Variants in MCTP1 observed in about 807,000 individuals in gnomAD.
MCTP1 encodes multiple C2 and transmembrane domain containing 1, also known as multiple C2 and transmembrane domain-containing protein 1.
A neutral mutation model predicts 120.6 loss-of-function variants in MCTP1; 69 were observed. The observed-to-expected ratio is 0.57, with a 90% CI of 0.47 to 0.70. MCTP1 has a LOEUF of 0.70. MCTP1 is among the 30% of genes least tolerant of loss of function. The pLI, the probability that MCTP1 is intolerant of heterozygous loss-of-function variation, is 0.00. For missense variants in MCTP1, 1,203 were observed against 1,248.8 expected, an observed-to-expected ratio of 0.96 and a Z score of 0.55; for synonymous variants, 529 against 493.1, an observed-to-expected ratio of 1.07 and a Z score of -0.96.
intron 19 of MCTP1, among the ~76,000 whole-genome samples, chr5:94,765,097 T>A (rs1299388306): frequency 6.6e-6 from 1 of 152,072 alleles, no homozygotes; most frequent in East Asian, 1.9e-4. Context: ...AAGAGGACTT[T>A]GGGAACTGTA....
intron 6 of MCTP1, among the ~76,000 whole-genome samples, chr5:94,926,569 T>C (rs1346871144): frequency 6.6e-6 from 1 of 152,200 alleles, no homozygotes; most frequent in African/African-American, 2.4e-5. Context: ...GACAAAATTA[T>C]AAATCGTTTC....
At position 94,917,893 on chromosome 5, in the gene MCTP1, T is replaced by A; in HGVS notation, c.1350+3A>T. The A allele has an allele frequency of 6.2e-7, 1 of 1,611,912 alleles. No homozygotes were observed. Among genetic ancestry groups the A allele is most frequent in the Non-Finnish European group, 8.5e-7 (1 of 1,178,032 alleles). On this transcript the variant is annotated splice_donor_region_variant and intron_variant, in intron 8 of 22. Transcript: ENST00000515393. Reference sequence around the variant, plus strand: ...AATAAATGAACTGAATGGTTGAACTTACTTGTACATTTTTGCAATAAGGAT... The same window carrying A: ...AATAAATGAACTGAATGGTTGAACTAACTTGTACATTTTTGCAATAAGGAT...
At chr5:94,754,747 G>A (rs780274204) in intron 19 of MCTP1, among the ~76,000 whole-genome samples, 7 of 152,080 alleles carry the variant, frequency 4.6e-5, no homozygotes, top group Non-Finnish European at 8.8e-5. Flanking sequence ...AGATGTAAAG[G>A]TCCACAGTAA....
intron 1 of MCTP1, among the ~76,000 whole-genome samples, chr5:95,025,080 A>G (rs74882865): frequency 2.0e-3 from 298 of 152,316 alleles, no homozygotes; most frequent in Admixed American, 3.0e-3. Flanking sequence ...TAAAATTTGT[A>G]TGAAGTCATA....
chr5:95,035,394 A>G (rs915173291), intron 1 of MCTP1, among the ~76,000 whole-genome samples: 4 of 152,166 alleles, frequency 2.6e-5, no homozygotes, highest in African/African-American at 9.6e-5. Flanking sequence ...AGCCATAAAA[A>G]GAATGAAACC....
chr5:94,947,597 G>GAGAGAC (rs1561904535), intron 3 of MCTP1, among the ~76,000 whole-genome samples: 5 of 90,006 alleles, frequency 5.6e-5, no homozygotes, highest in African/African-American at 2.1e-4. Flanking sequence ...GAGAGAGAGA[G>GAGAGAC]AGAGAGAGAG....
At chr5:94,840,351 C>T (rs566882266) in intron 17 of MCTP1, among the ~76,000 whole-genome samples, 60 of 152,288 alleles carry the variant, frequency 3.9e-4, no homozygotes, top group Admixed American at 2.7e-3. Context: ...AACAGAGAGA[C>T]GACAAACAGC....
chr5:94,918,585 G>A (rs1561856960), intron 7 of MCTP1, among the ~76,000 whole-genome samples: 1 of 152,170 alleles, frequency 6.6e-6, no homozygotes, highest in Non-Finnish European at 1.5e-5. Context: ...GATTAAGAAA[G>A]ATATAGCTGA....
chr5:95,070,083 C>A (rs1174027656), intron 1 of MCTP1, among the ~76,000 whole-genome samples: 1 of 152,158 alleles, frequency 6.6e-6, no homozygotes, highest in East Asian at 1.9e-4. Context: ...AACTATCTTC[C>A]TGTTTGTGGT....
intron 1 of MCTP1, among the ~76,000 whole-genome samples, chr5:95,093,470 TCTTCA>T (rs901279220): frequency 2.0e-5 from 3 of 152,144 alleles, no homozygotes; most frequent in African/African-American, 7.2e-5. Context: ...ATAACTTGTT[TCTTCA>T]CTTCACAGTT....
intron 1 of MCTP1, among the ~76,000 whole-genome samples, chr5:95,275,879 G>C (rs1759786870): frequency 6.6e-6 from 1 of 152,054 alleles, no homozygotes; most frequent in Middle Eastern, 3.2e-3. Context: ...AGAATATTAA[G>C]GAGAAAGAAG....
At chr5:94,793,847 C>G (rs765374917) in intron 18 of MCTP1, among the ~76,000 whole-genome samples, 1 of 152,192 alleles carries the variant, frequency 6.6e-6, no homozygotes, top group Non-Finnish European at 1.5e-5. Context: ...TTTGGTGGAC[C>G]ATCCCAAACT....
chr5:95,084,468 G>A (rs1301175140), intron 1 of MCTP1, among the ~76,000 whole-genome samples: 1 of 151,284 alleles, frequency 6.6e-6, no homozygotes, highest in Non-Finnish European at 1.5e-5. Flanking sequence ...AGGGCAGAGA[G>A]AGACAGAGAG....
At chr5:94,942,827 G>C (rs1818057571) in intron 3 of MCTP1, among the ~76,000 whole-genome samples, 1 of 151,858 alleles carries the variant, frequency 6.6e-6, no homozygotes, top group Non-Finnish European at 1.5e-5. Flanking sequence ...TTGTGATATA[G>C]GACAATGCCA....
intron 1 of MCTP1, among the ~76,000 whole-genome samples, chr5:95,207,146 T>C (rs1751716534): frequency 6.6e-6 from 1 of 152,132 alleles, no homozygotes; most frequent in South Asian, 2.1e-4. Context: ...TTGACTATCC[T>C]GGCAAGAAAG....
At chr5:95,094,592 G>T (rs939411837) in intron 1 of MCTP1, among the ~76,000 whole-genome samples, 1 of 152,146 alleles carries the variant, frequency 6.6e-6, no homozygotes, top group East Asian at 1.9e-4. Flanking sequence ...CAAATTGAGA[G>T]ATGTCCTTGA....
At chr5:94,892,974 A>G (rs1053891165) in intron 11 of MCTP1, among the ~76,000 whole-genome samples, 1 of 152,218 alleles carries the variant, frequency 6.6e-6, no homozygotes, top group East Asian at 1.9e-4. Context: ...GTGGTTTCGT[A>G]GCAGGTATGT....
At chr5:94,926,353 T>A (rs897747870) in intron 6 of MCTP1, among the ~76,000 whole-genome samples, 3 of 152,182 alleles carry the variant, frequency 2.0e-5, no homozygotes, top group Non-Finnish European at 4.4e-5. Flanking sequence ...ATTTCCTTTA[T>A]CAATACAATT....
intron 19 of MCTP1, among the ~76,000 whole-genome samples, chr5:94,773,368 T>C (rs888693992): frequency 1.3e-5 from 2 of 152,174 alleles, no homozygotes; most frequent in African/African-American, 4.8e-5. Context: ...AGTTGGGTTA[T>C]AGTATTGCAA....
Sources: allele counts gnomAD v4.1 joint callset (sites outside exome capture counted in the v4.1 genomes callset), GRCh38; gene constraint gnomAD v4.1.1; transcripts MANE v1.5; gene names NCBI Gene and HGNC (gene_info 2026-07-23, HGNC 2026-07-21).